The following CHIC1 variants were observed in gnomAD, a reference collection of about 807,000 sequenced individuals.
The protein encoded by CHIC1 is cysteine-rich hydrophobic domain-containing protein 1.
CHIC1 carries 7 observed loss-of-function variants against 18.5 expected under a neutral mutation model. That is an observed-to-expected ratio of 0.38 (90% CI 0.22 to 0.71). The LOEUF (loss-of-function observed/expected upper bound fraction) is 0.71, where lower values mean the gene tolerates loss of function less well. Ranked by LOEUF, CHIC1 falls within the 30% of genes least tolerant of loss-of-function variation. The probability of loss-of-function intolerance (pLI) is 0.49; values close to 1 mark genes in which losing one functional copy is unlikely to be tolerated. For missense variants in CHIC1, 159 were observed against 176.9 expected, an observed-to-expected ratio of 0.90 and a Z score of 0.57; for synonymous variants, 77 against 73.5, an observed-to-expected ratio of 1.05 and a Z score of -0.25.
intron 3 of CHIC1, among the ~76,000 whole-genome samples, chrX:73,665,764 C>T (rs1021085954): frequency 5.4e-5 from 6 of 111,540 alleles, no homozygotes; most frequent in Non-Finnish European, 9.4e-5. Flanking sequence ...AAAAAATGTA[C>T]GCAGACACAG....
chrX:73,653,619 A>G (rs1207449965), intron 3 of CHIC1, among the ~76,000 whole-genome samples: 1 of 112,170 alleles, frequency 8.9e-6, no homozygotes, highest in Non-Finnish European at 1.9e-5. Flanking sequence ...GTGATTGGGA[A>G]TGCATTGAAT....
intron 3 of CHIC1, among the ~76,000 whole-genome samples, chrX:73,626,018 C>T (rs1002746003): frequency 9.0e-6 from 1 of 110,559 alleles, no homozygotes; most frequent in Non-Finnish European, 1.9e-5. Flanking sequence ...TCATGGTTCG[C>T]CAGGAAGATG....
At chrX:73,653,262 C>T (rs2057926630) in intron 3 of CHIC1, among the ~76,000 whole-genome samples, 1 of 110,212 alleles carries the variant, frequency 9.1e-6, no homozygotes, top group Non-Finnish European at 1.9e-5. Context: ...GAGGACGGGT[C>T]AATAGATGCC....
intron 3 of CHIC1, among the ~76,000 whole-genome samples, chrX:73,615,234 C>CT (rs1344432539): frequency 1.8e-5 from 2 of 110,991 alleles, no homozygotes; most frequent in Non-Finnish European, 3.8e-5. Context: ...CTATGTAAGC[C>CT]TTTTTTTGCC....
At chrX:73,658,655 A>C (rs2057963964) in intron 3 of CHIC1, among the ~76,000 whole-genome samples, 2 of 109,269 alleles carry the variant, frequency 1.8e-5, no homozygotes, top group South Asian at 7.8e-4. Context: ...CTGATCTTGC[A>C]TATTTCTTAT....
intron 1 of CHIC1, among the ~76,000 whole-genome samples, chrX:73,563,816 G>T (rs771564059): frequency 2.7e-5 from 3 of 110,933 alleles, no homozygotes; most frequent in Admixed American, 1.9e-4. Flanking sequence ...GGAGAGGGAA[G>T]TTAGGGGTTT....
At chrX:73,566,059 T>C (rs1198481907) in intron 1 of CHIC1, among the ~76,000 whole-genome samples, 1 of 111,076 alleles carries the variant, frequency 9.0e-6, no homozygotes, top group Non-Finnish European at 1.9e-5. Context: ...CAGGGTAACA[T>C]TCAAAACCTT....
chrX:73,569,626 A>T (rs187103863), intron 1 of CHIC1, among the ~76,000 whole-genome samples: 82 of 111,780 alleles, frequency 7.3e-4, no homozygotes, highest in African/African-American at 2.5e-3. Context: ...ATAATTCTTA[A>T]CTTAATGGTT....
chrX:73,658,787 CTT>C (rs2057964659), intron 3 of CHIC1, among the ~76,000 whole-genome samples: 1 of 112,099 alleles, frequency 8.9e-6, no homozygotes, highest in African/African-American at 3.2e-5. Context: ...AAATTTCCCT[CTT>C]AACACTGCTT....
At chrX:73,615,824 G>A (rs1300339964) in intron 3 of CHIC1, among the ~76,000 whole-genome samples, 1 of 111,173 alleles carries the variant, frequency 9.0e-6, no homozygotes, top group African/African-American at 3.3e-5. Flanking sequence ...TTGTTCCTGG[G>A]TCAGGTGGGG....
At chrX:73,605,165 T>A (rs2057674328) in intron 3 of CHIC1, among the ~76,000 whole-genome samples, 1 of 108,396 alleles carries the variant, frequency 9.2e-6, no homozygotes, top group Non-Finnish European at 1.9e-5. Flanking sequence ...AGAACTTGCT[T>A]TATTAATCTG....
chrX:73,612,317 T>C (rs1208935848), intron 3 of CHIC1, among the ~76,000 whole-genome samples: 2 of 112,025 alleles, frequency 1.8e-5, no homozygotes, highest in Non-Finnish European at 3.8e-5. Context: ...AGTTCTGCTC[T>C]GATCTTCATT....
chrX:73,593,259 T>C (rs765911534), intron 3 of CHIC1, among the ~76,000 whole-genome samples: 2 of 111,364 alleles, frequency 1.8e-5, no homozygotes, highest in African/African-American at 3.3e-5. Flanking sequence ...TTTGTTTTTG[T>C]TTTTCTAGTT....
chrX:73,676,417 G>A (rs1345330040), intron 3 of CHIC1, among the ~76,000 whole-genome samples: 2 of 111,475 alleles, frequency 1.8e-5, no homozygotes, highest in Admixed American at 9.5e-5. Context: ...ATTTTTTGGA[G>A]GCTTTCTTCG....
rs141399070 is a variant in CHIC1 at position 73,657,358 on chromosome X, C to T, written c.508-21968C>T. Among the ~76,000 whole-genome samples the T allele has an allele frequency of 8.9e-4, 99 of 111,519 alleles. 4 individuals carry two copies. The East Asian group carries it at 0.013, about 15-fold the overall frequency. On this transcript the variant is annotated intron_variant, in intron 3 of 5. Transcript: ENST00000373502. ...ACAGGCGTGAGCCACTGCGCCCAGC[C>T]GTATTTTATACTCTTATTGTGGAAA...
At chrX:73,581,295 C>T (rs1382655427) in intron 2 of CHIC1, among the ~76,000 whole-genome samples, 1 of 110,421 alleles carries the variant, frequency 9.1e-6, no homozygotes, top group African/African-American at 3.3e-5. Flanking sequence ...ATATTATGAC[C>T]CTTTACCCCA....
chrX:73,677,785 G>C lies in CHIC1; in HGVS notation c.508-1541G>C, dbSNP rs759016333. 3.6e-5 allele frequency among the ~76,000 whole-genome samples: 4 copies of C among 111,981 alleles called. No homozygotes were observed. The South Asian group carries it at 1.5e-3, about 42-fold the overall frequency. Reference sequence around the variant, plus strand: ...TGGCCCTCCCCAGTGAGATGAACCCGGTACCTTAGTTGGAAATGCAGAAAT... The same window carrying C: ...TGGCCCTCCCCAGTGAGATGAACCCCGTACCTTAGTTGGAAATGCAGAAAT... On this transcript the variant is annotated intron_variant, in intron 3 of 5. Transcript: ENST00000373502.
intron 3 of CHIC1, among the ~76,000 whole-genome samples, chrX:73,641,010 A>G (rs1041508430): frequency 9.0e-6 from 1 of 111,730 alleles, no homozygotes; most frequent in African/African-American, 3.3e-5. Flanking sequence ...ACACTGCCTT[A>G]GCCATGTCCC....
At chrX:73,665,467 G>T (rs139665885) in intron 3 of CHIC1, among the ~76,000 whole-genome samples, 1,309 of 111,209 alleles carry the variant, frequency 0.012, 9 homozygotes, top group Middle Eastern at 0.037. Context: ...TTTGCATTAG[G>T]TTCCTTAATT....
Sources: gnomAD v4.1 joint callset for allele counts (sites outside exome capture counted in the v4.1 genomes callset) on GRCh38, gnomAD v4.1.1 for gene constraint, MANE v1.5 for transcripts, NCBI Gene and HGNC (gene_info 2026-07-23, HGNC 2026-07-21) for gene names.